CCDC141: variants seen among roughly 807,000 people sequenced by gnomAD.
The protein encoded by CCDC141 is coiled-coil domain-containing protein 141.
A neutral mutation model predicts 181.0 loss-of-function variants in CCDC141; 168 were observed. The observed-to-expected ratio is 0.93, with a 90% CI of 0.82 to 1.05. The LOEUF is 1.05. Ranked by LOEUF, CCDC141 falls within the 50% of genes least tolerant of loss-of-function variation. CCDC141 has a pLI of 0.00. For synonymous variants in CCDC141, 666 were observed against 642.3 expected, an observed-to-expected ratio of 1.04 and a Z score of -0.56; for missense variants, 1,902 against 1,788.5, an observed-to-expected ratio of 1.06 and a Z score of -1.14.
intron 7 of CCDC141, among the ~76,000 whole-genome samples, chr2:178,916,683 C>T (rs372249538): frequency 6.6e-6 from 1 of 152,016 alleles, no homozygotes; most frequent in African/African-American, 2.4e-5. Context: ...AAATTATTTC[C>T]TTGATGCTTT....
chr2:178,948,377 T>C (rs1264867902), intron 5 of CCDC141, among the ~76,000 whole-genome samples: 1 of 152,244 alleles, frequency 6.6e-6, no homozygotes, highest in Non-Finnish European at 1.5e-5. Flanking sequence ...GGTTGCATTA[T>C]ATTATTATTG....
intron 2 of CCDC141, among the ~76,000 whole-genome samples, chr2:178,980,805 A>G (rs1691345544): frequency 6.6e-6 from 1 of 152,248 alleles, no homozygotes; most frequent in South Asian, 2.1e-4. Context: ...CAATGTATAC[A>G]TACCTCAAGA....
chr2:178,929,067 T>C (rs540072411), intron 6 of CCDC141, among the ~76,000 whole-genome samples: 1 of 152,324 alleles, frequency 6.6e-6, no homozygotes, highest in African/African-American at 2.4e-5. Flanking sequence ...GGAATTGAAA[T>C]GCTCTGATGC....
chr2:179,020,388 T>C (rs1327913197), intron 2 of CCDC141, among the ~76,000 whole-genome samples: 1 of 152,112 alleles, frequency 6.6e-6, no homozygotes, highest in Non-Finnish European at 1.5e-5. Flanking sequence ...TCCTCCAAGC[T>C]GGAACTGGGC....
intron 6 of CCDC141, among the ~76,000 whole-genome samples, chr2:178,925,317 CTT>C (rs1351144865): frequency 3.9e-5 from 6 of 152,196 alleles, no homozygotes; most frequent in Admixed American, 1.3e-4. Context: ...TTGGAAATCT[CTT>C]GTTTCCCTTA....
At chr2:178,875,552 G>A (rs1317070265) in intron 12 of CCDC141, 4 of 151,678 alleles carry the variant, frequency 2.6e-5, no homozygotes, top group Admixed American at 6.6e-5. Context: ...GTGACAGAGC[G>A]AGACTCCATC....
At position 178,965,380 on chromosome 2, in the gene CCDC141, T is replaced by C. The variant is rs113011529; in HGVS notation, c.527-3897A>G. Among the ~76,000 whole-genome samples, 364 of 152,262 alleles carry C rather than the reference T, an allele frequency of 2.4e-3. 2 individuals carry two copies. The highest frequency in any genetic ancestry group is 8.0e-3 in the African/African-American group (334 of 41,544). On this transcript the variant is annotated intron_variant, in intron 4 of 23. Transcript: ENST00000443758. ...CTCGGGTCTGCAGCTCCTAGAGAGATTGACACAGAAGGAAGGTGATTTCTG... is the reference window on the plus strand; with the variant it reads ...CTCGGGTCTGCAGCTCCTAGAGAGACTGACACAGAAGGAAGGTGATTTCTG...
intron 6 of CCDC141, among the ~76,000 whole-genome samples, chr2:178,937,780 A>G (rs2154376501): frequency 6.6e-6 from 1 of 152,004 alleles, no homozygotes; most frequent in African/African-American, 2.4e-5. Context: ...CTGAGAATCA[A>G]TTTCTTCATG....
chr2:178,924,832 A>G (rs10169992), intron 6 of CCDC141, among the ~76,000 whole-genome samples: 64,387 of 152,094 alleles, frequency 0.42, 14,227 homozygotes, highest in East Asian at 0.71. Context: ...CCTCCCAGAC[A>G]TATGGTAGAA....
chr2:178,865,612 A>C (rs1685810345), intron 17 of CCDC141, among the ~76,000 whole-genome samples, 155 bp downstream of exon 17: 1 of 152,220 alleles, frequency 6.6e-6, no homozygotes, highest in South Asian at 2.1e-4. Flanking sequence ...GTCACTGCTC[A>C]GTGGATTAAA....
At chr2:179,046,031 G>C (rs531462557) in intron 2 of CCDC141, among the ~76,000 whole-genome samples, 1 of 152,254 alleles carries the variant, frequency 6.6e-6, no homozygotes, top group African/African-American at 2.4e-5. Flanking sequence ...GAAAACCACT[G>C]TCTATATATC....
chr2:178,887,767 C>A (rs1366499078), intron 9 of CCDC141, among the ~76,000 whole-genome samples: 2 of 152,196 alleles, frequency 1.3e-5, no homozygotes, highest in Non-Finnish European at 2.9e-5. Context: ...TAATTCTATT[C>A]ATGTAAGTTC....
At chr2:178,900,436 AAACTT>A (rs1687629638) in intron 8 of CCDC141, among the ~76,000 whole-genome samples, 1 of 152,192 alleles carries the variant, frequency 6.6e-6, no homozygotes, top group African/African-American at 2.4e-5. Context: ...CATGACATTT[AAACTT>A]AACTTCTCTG....
chr2:179,016,651 G>A (rs1021521299), intron 2 of CCDC141, among the ~76,000 whole-genome samples: 1 of 152,094 alleles, frequency 6.6e-6, no homozygotes, highest in Non-Finnish European at 1.5e-5. Context: ...TAAGTGGTAG[G>A]AATGACACAC....
chr2:178,836,935 C>T lies in CCDC141; in HGVS notation c.4284G>A (p.Leu1428=). The T allele has an allele frequency of 6.2e-7, 1 of 1,613,432 alleles. No individual in the cohort carries two copies. The highest frequency in any genetic ancestry group is 1.7e-4 in the Middle Eastern group (1 of 6,036). ...CTGGAAATCCTGTTACTTCAACTTC[C>T]AAAGTCACTGGAGAACCTTCCATGA... ...VTVMEGSPVT[L]EVEVTGFPEP... is the part of the protein sequence containing the mutation. Residue 1428 remains leucine, a synonymous_variant, in exon 23 of 24, where the codon TTG becomes TTA. Coordinates refer to ENST00000443758, the MANE Select transcript of CCDC141 (RefSeq NM_173648.4).
At chr2:178,955,176 T>C (rs1422035550) in intron 5 of CCDC141, among the ~76,000 whole-genome samples, 1 of 152,012 alleles carries the variant, frequency 6.6e-6, no homozygotes, top group Non-Finnish European at 1.5e-5. Flanking sequence ...TCTCAGCCAC[T>C]TGGGAGGCTG....
At chr2:178,849,797 G>T (rs993635361) in intron 21 of CCDC141, among the ~76,000 whole-genome samples, 13 of 152,254 alleles carry the variant, frequency 8.5e-5, no homozygotes, top group Admixed American at 7.2e-4. Context: ...TATGATCCAT[G>T]AAAATGTAAA....
At chr2:178,836,787 G>A in intron 23 of CCDC141, 107 bp downstream of exon 23, 1 of 1,249,364 alleles carries the variant, frequency 8.0e-7, no homozygotes, top group Non-Finnish European at 1.1e-6. Flanking sequence ...CAGTGTCATA[G>A]AATATTAATC....
At chr2:179,041,103 ACT>A (rs2043286395) in intron 2 of CCDC141, among the ~76,000 whole-genome samples, 1 of 151,794 alleles carries the variant, frequency 6.6e-6, no homozygotes, top group Admixed American at 6.6e-5. Flanking sequence ...ACAGAGTCTC[ACT>A]CTGTCACCCA....
Sources: allele counts gnomAD v4.1 joint callset (sites outside exome capture counted in the v4.1 genomes callset), GRCh38; gene constraint gnomAD v4.1.1; transcripts MANE v1.5; gene names NCBI Gene and HGNC (gene_info 2026-07-23, HGNC 2026-07-21).